GRIP1: variants seen among roughly 807,000 people sequenced by gnomAD.
The protein encoded by GRIP1 is glutamate receptor interacting protein 1, also known as glutamate receptor-interacting protein 1.
A neutral mutation model predicts 129.9 loss-of-function variants in GRIP1; 45 were observed. That is an observed-to-expected ratio of 0.35 (90% CI 0.27 to 0.44). GRIP1 has a LOEUF of 0.44. GRIP1 is among the 20% of genes least tolerant of loss of function. The pLI, the probability that GRIP1 is intolerant of heterozygous loss-of-function variation, is 1.00. For missense variants in GRIP1, 1,196 were observed against 1,396.8 expected, an observed-to-expected ratio of 0.86 and a Z score of 2.29; for synonymous variants, 530 against 520.8, an observed-to-expected ratio of 1.02 and a Z score of -0.24.
At chr12:66,704,915 C>T (rs2035474792) in intron 1 of GRIP1, among the ~76,000 whole-genome samples, 1 of 152,082 alleles carries the variant, frequency 6.6e-6, no homozygotes, top group South Asian at 2.1e-4. Context: ...CCATAGCATC[C>T]TGAAGTCCTC....
chr12:66,582,030 A>G lies in GRIP1; in HGVS notation c.136+14817T>C, dbSNP rs564846696. On this transcript the variant is annotated intron_variant, in intron 2 of 24. Coordinates refer to ENST00000359742, the MANE Select transcript of GRIP1 (RefSeq NM_001366722.1). The stretch of plus-strand genomic sequence containing the variant: ...AATAAAATACTGGCAAACTGAATCC[A>G]GCAGCACATCAAAAAGCTTATCCAC... Among the ~76,000 whole-genome samples the G allele has an allele frequency of 2.3e-3, 356 of 152,344 alleles. 1 individual carries two copies. Among genetic ancestry groups the G allele is most frequent in the African/African-American group, 8.2e-3 (343 of 41,576 alleles).
At chr12:66,529,798 T>G (rs778054866) in intron 5 of GRIP1, 33 bp downstream of exon 5, 1 of 1,147,468 alleles carries the variant, frequency 8.7e-7, no homozygotes, top group Admixed American at 1.7e-5. Context: ...GGAAATATTT[T>G]TTTTAAAGTA....
intron 1 of GRIP1, among the ~76,000 whole-genome samples, chr12:66,990,547 C>G (rs1373828082): frequency 6.6e-6 from 1 of 152,218 alleles, no homozygotes; most frequent in Non-Finnish European, 1.5e-5. Flanking sequence ...CATTACTAGT[C>G]GCTTTCTAGC....
intron 1 of GRIP1, among the ~76,000 whole-genome samples, chr12:66,963,633 C>T (rs2041955073): frequency 6.6e-6 from 1 of 152,126 alleles, no homozygotes. Flanking sequence ...GTAAACTTTT[C>T]ACTGCTTATT....
intron 2 of GRIP1, chr12:66,567,628 T>A: frequency 4.7e-6 from 1 of 211,448 alleles, no homozygotes; most frequent in South Asian, 8.9e-5. Flanking sequence ...CAACTTCCTA[T>A]CTTCTTCATT....
intron 7 of GRIP1, among the ~76,000 whole-genome samples, chr12:66,477,121 A>G (rs1236353980): frequency 1.3e-5 from 2 of 152,230 alleles, no homozygotes; most frequent in Non-Finnish European, 2.9e-5. Context: ...TTGTATATTT[A>G]GAAAACCCCA....
At chr12:66,549,479 T>C (rs2062055726) in intron 2 of GRIP1, among the ~76,000 whole-genome samples, 1 of 152,188 alleles carries the variant, frequency 6.6e-6, no homozygotes, top group Admixed American at 6.6e-5. Flanking sequence ...TTTATCTGTA[T>C]ATTACTTTTG....
chr12:66,392,082 A>C (rs2056610113), intron 19 of GRIP1, among the ~76,000 whole-genome samples: 3 of 152,212 alleles, frequency 2.0e-5, no homozygotes, highest in Admixed American at 2.0e-4. Flanking sequence ...CAGTAGACCT[A>C]ATGGAGGCCT....
chr12:66,924,930 G>A (rs553922058), intron 1 of GRIP1, among the ~76,000 whole-genome samples: 35 of 152,190 alleles, frequency 2.3e-4, no homozygotes, highest in African/African-American at 7.0e-4. Context: ...AGATCGTGCC[G>A]CTGCACTCTA....
chr12:66,692,296 A>G (rs1479722420), intron 1 of GRIP1, among the ~76,000 whole-genome samples: 4 of 152,226 alleles, frequency 2.6e-5, no homozygotes, highest in Non-Finnish European at 4.4e-5. Context: ...AGGAGTTCCA[A>G]TTGTGTAACC....
intron 1 of GRIP1, among the ~76,000 whole-genome samples, chr12:67,047,540 G>T (rs1049764711): frequency 1.3e-5 from 2 of 152,104 alleles, no homozygotes; most frequent in Non-Finnish European, 2.9e-5. Context: ...TTGGGGAAGA[G>T]ATTTTGTCTG....
At chr12:66,679,797 C>T (rs2034513300), upstream of GRIP1, among the ~76,000 whole-genome samples, 1 of 152,124 alleles carries the variant, frequency 6.6e-6, no homozygotes, top group Admixed American at 6.6e-5. Context: ...ATACTATTTC[C>T]CAAACAACCA....
chr12:66,954,589 A>T (rs919249082), intron 1 of GRIP1, among the ~76,000 whole-genome samples: 5 of 152,222 alleles, frequency 3.3e-5, no homozygotes, highest in Admixed American at 3.3e-4. Context: ...TTAAATATGC[A>T]GAACCCCAAA....
intron 1 of GRIP1, among the ~76,000 whole-genome samples, chr12:67,034,055 A>G (rs1781496141): frequency 6.6e-6 from 1 of 152,194 alleles, no homozygotes; most frequent in African/African-American, 2.4e-5. Flanking sequence ...CCTCTCAGTA[A>G]CACATTCCAA....
chr12:66,359,334 G>T (rs996667798), intron 23 of GRIP1, among the ~76,000 whole-genome samples: 2 of 152,158 alleles, frequency 1.3e-5, no homozygotes. Flanking sequence ...ATTTGGTGTG[G>T]GCCTGGAATA....
At chr12:66,977,980 G>GT (rs878893347) in intron 1 of GRIP1, among the ~76,000 whole-genome samples, 19 of 150,966 alleles carry the variant, frequency 1.3e-4, no homozygotes, top group Admixed American at 5.9e-4. Flanking sequence ...AACTGGCTAA[G>GT]TTTTTTTTTA....
intron 7 of GRIP1, among the ~76,000 whole-genome samples, chr12:66,486,534 G>A (rs548856055): frequency 2.1e-4 from 32 of 152,234 alleles, no homozygotes; most frequent in African/African-American, 7.2e-4. Context: ...TAATGAATAA[G>A]TCTCATGAGA....
intron 8 of GRIP1, 99 bp from the exon 9 acceptor site, chr12:66,463,192 C>A: frequency 9.4e-7 from 1 of 1,063,128 alleles, no homozygotes; most frequent in Non-Finnish European, 1.4e-6. Flanking sequence ...TTTTCATTTA[C>A]TTAAAATAAA....
intron 1 of GRIP1, among the ~76,000 whole-genome samples, chr12:66,878,833 C>T (rs2040425583): frequency 1.3e-5 from 2 of 151,876 alleles, no homozygotes; most frequent in South Asian, 4.1e-4. Context: ...AGAGGTGACG[C>T]AATTTTAGAA....
Sources: gnomAD v4.1 joint callset for allele counts (sites outside exome capture counted in the v4.1 genomes callset) on GRCh38, gnomAD v4.1.1 for gene constraint, MANE v1.5 for transcripts, NCBI Gene and HGNC (gene_info 2026-07-23, HGNC 2026-07-21) for gene names.